Variants in SYTL3 observed in about 807,000 individuals in gnomAD.
The protein encoded by SYTL3 is synaptotagmin like 3.
Under a neutral mutation model 82.1 loss-of-function variants are expected in SYTL3, and 88 were observed. That is an observed-to-expected ratio of 1.07 (90% CI 0.90 to 1.28). The LOEUF is 1.28. Ranked by LOEUF, SYTL3 falls within the 50% of genes most tolerant of loss-of-function variation. The pLI is 0.00. For synonymous variants in SYTL3, 311 were observed against 289.4 expected, an observed-to-expected ratio of 1.07 and a Z score of -0.76; for missense variants, 831 against 757.6, an observed-to-expected ratio of 1.10 and a Z score of -1.14.
intron 5 of SYTL3, among the ~76,000 whole-genome samples, chr6:158,668,172 G>T (rs932944110): frequency 1.3e-5 from 2 of 152,192 alleles, no homozygotes; most frequent in Non-Finnish European, 2.9e-5. Flanking sequence ...GCCTCCTTCT[G>T]AATCTCCAGT....
At chr6:158,704,408 G>A (rs1267257030) in intron 6 of SYTL3, among the ~76,000 whole-genome samples, 10 of 152,370 alleles carry the variant, frequency 6.6e-5, no homozygotes, top group East Asian at 5.8e-4. Flanking sequence ...CGCCCGGTCC[G>A]TGCAGGAGCC....
At chr6:158,678,594 G>A (rs1159888169) in intron 5 of SYTL3, among the ~76,000 whole-genome samples, 1 of 152,162 alleles carries the variant, frequency 6.6e-6, no homozygotes, top group Non-Finnish European at 1.5e-5. Context: ...TTTCTCCTTT[G>A]ATAATGAAAT....
At chr6:158,762,237 C>A in intron 16 of SYTL3, 59 bp downstream of exon 16, 3 of 1,234,068 alleles carry the variant, frequency 2.4e-6, no homozygotes, top group Non-Finnish European at 3.5e-6. Context: ...ACAACATGGC[C>A]CAGAACCTGC....
At chr6:158,728,913 G>A (rs1325878055) in intron 11 of SYTL3, among the ~76,000 whole-genome samples, 2 of 152,148 alleles carry the variant, frequency 1.3e-5, no homozygotes, top group Non-Finnish European at 2.9e-5. Context: ...GATGGCAGGC[G>A]CCTGTAGTCC....
chr6:158,684,071 T>C (rs938908350), intron 6 of SYTL3, among the ~76,000 whole-genome samples: 4 of 152,160 alleles, frequency 2.6e-5, no homozygotes, highest in Non-Finnish European at 5.9e-5. Context: ...AAGCTGGTTT[T>C]CAGGAATTCT....
At chr6:158,694,176 C>T (rs1432141258) in intron 6 of SYTL3, among the ~76,000 whole-genome samples, 1 of 152,152 alleles carries the variant, frequency 6.6e-6, no homozygotes, top group Non-Finnish European at 1.5e-5. Context: ...CTAAGTAGAG[C>T]CAAGACTATC....
chr6:158,705,760 G>C (rs1224656761), intron 6 of SYTL3, among the ~76,000 whole-genome samples: 1 of 129,478 alleles, frequency 7.7e-6, no homozygotes, highest in South Asian at 2.5e-4. Context: ...GGGCATGGGG[G>C]ACCCAGGAAC....
chr6:158,654,269 C>G (rs1788407288), intron 2 of SYTL3, among the ~76,000 whole-genome samples: 1 of 152,186 alleles, frequency 6.6e-6, no homozygotes, highest in Non-Finnish European at 1.5e-5. Flanking sequence ...TGTCCATGTT[C>G]TGGCTGGGAT....
chr6:158,673,570 G>T (rs1420420164), intron 5 of SYTL3, among the ~76,000 whole-genome samples: 1 of 151,370 alleles, frequency 6.6e-6, no homozygotes, highest in African/African-American at 2.4e-5. Flanking sequence ...CTCCCGAGTA[G>T]CTGGGACTAC....
At chr6:158,729,210 G>C (rs894451125) in intron 11 of SYTL3, among the ~76,000 whole-genome samples, 5 of 152,182 alleles carry the variant, frequency 3.3e-5, no homozygotes, top group African/African-American at 1.2e-4. Flanking sequence ...CACAGGCTGG[G>C]TAATTTATAA....
intron 12 of SYTL3, among the ~76,000 whole-genome samples, chr6:158,750,638 G>A (rs1788272925): frequency 6.6e-6 from 1 of 151,904 alleles, no homozygotes; most frequent in South Asian, 2.1e-4. Flanking sequence ...CCAACTTCGG[G>A]CGTCGAGTAG....
At chr6:158,675,517 G>A (rs537642970) in intron 5 of SYTL3, among the ~76,000 whole-genome samples, 17 of 152,044 alleles carry the variant, frequency 1.1e-4, no homozygotes, top group Non-Finnish European at 1.8e-4. Flanking sequence ...TTAGATGCGA[G>A]ACTAGTTGAA....
intron 10 of SYTL3, among the ~76,000 whole-genome samples, chr6:158,721,990 G>A (rs895700548): frequency 1.3e-5 from 2 of 152,004 alleles, no homozygotes; most frequent in East Asian, 3.8e-4. Context: ...GCCTTAGCTG[G>A]GGAGCTCACC....
chr6:158,728,980 G>A (rs1428065138), intron 11 of SYTL3, among the ~76,000 whole-genome samples: 4 of 152,166 alleles, frequency 2.6e-5, no homozygotes, highest in Non-Finnish European at 5.9e-5. Context: ...GTGAACCTGG[G>A]AGGTGGGGCT....
chr6:158,740,393 A>G (rs1033506702), intron 11 of SYTL3, among the ~76,000 whole-genome samples: 1 of 152,098 alleles, frequency 6.6e-6, no homozygotes, highest in Non-Finnish European at 1.5e-5. Context: ...CTCTGGAGAA[A>G]TATATTCTTT....
chr6:158,722,762 GTTTTTTTTTT>G (rs34189391), intron 10 of SYTL3, among the ~76,000 whole-genome samples: 6 of 80,880 alleles, frequency 7.4e-5, no homozygotes, highest in South Asian at 5.5e-4. Context: ...TCTCTTTTCT[GTTTTTTTTTT>G]TTTTTTTTTT....
intron 6 of SYTL3, among the ~76,000 whole-genome samples, chr6:158,704,316 G>A (rs918657787): frequency 1.3e-5 from 2 of 152,212 alleles, no homozygotes; most frequent in Non-Finnish European, 2.9e-5. Flanking sequence ...ACAGTGCAAC[G>A]TTCCCTCTCC....
intron 12 of SYTL3, among the ~76,000 whole-genome samples, chr6:158,749,513 T>C (rs1788129566): frequency 1.5e-5 from 2 of 136,206 alleles, no homozygotes. Flanking sequence ...CTCTCTTTTT[T>C]TTTTTTTTTT....
intron 6 of SYTL3, among the ~76,000 whole-genome samples, chr6:158,705,582 C>T (rs1374751718): frequency 1.6e-5 from 2 of 126,932 alleles, no homozygotes; most frequent in Non-Finnish European, 3.3e-5. Flanking sequence ...GACCTGGGGG[C>T]AGGGTAACAG....
Sources: gnomAD v4.1 joint callset for allele counts (sites outside exome capture counted in the v4.1 genomes callset) on GRCh38, gnomAD v4.1.1 for gene constraint, MANE v1.5 for transcripts, NCBI Gene and HGNC (gene_info 2026-07-23, HGNC 2026-07-21) for gene names.